The following HLF variants were observed in gnomAD, a reference collection of about 807,000 sequenced individuals.
HLF encodes the protein hepatic leukemia factor.
Under a neutral mutation model 22.6 loss-of-function variants are expected in HLF, and 3 were observed. That is an observed-to-expected ratio of 0.13 (90% CI 0.06 to 0.34). The LOEUF (loss-of-function observed/expected upper bound fraction) is 0.34, where lower values mean the gene tolerates loss of function less well. Ranked by LOEUF, HLF falls within the 10% of genes least tolerant of loss-of-function variation. The pLI is 1.00. For synonymous variants in HLF, 151 were observed against 151.8 expected, an observed-to-expected ratio of 0.99 and a Z score of 0.04; for missense variants, 299 against 389.2, an observed-to-expected ratio of 0.77 and a Z score of 1.95.
At chr17:55,301,070 A>AG in intron 2 of HLF, among the ~76,000 whole-genome samples, 1 of 152,316 alleles carries the variant, frequency 6.6e-6, no homozygotes, top group Admixed American at 6.5e-5. Flanking sequence ...TTTTCTGGCC[A>AG]ATTTCAAGAC....
intron 3 of HLF, among the ~76,000 whole-genome samples, chr17:55,316,679 C>A (rs1345524670): frequency 6.6e-6 from 1 of 152,204 alleles, no homozygotes. Flanking sequence ...TAGCCTGGCT[C>A]CCAGGTTGTC....
chr17:55,311,282 A>G lies in HLF; in HGVS notation c.452-3945A>G, dbSNP rs1025445433. ...AGACCAGCCTGGCCAACATGGTGAA[A>G]CCCTCTACTAAGAGTAGTCTCTACT... is the stretch of plus-strand genomic sequence containing the variant. On this transcript the variant is annotated intron_variant, in intron 2 of 3. Transcript: ENST00000226067. Among the ~76,000 whole-genome samples the G allele has an allele frequency of 3.3e-5, 5 of 152,138 alleles. No individual in the cohort carries two copies. In the South Asian group the frequency reaches 1.0e-3, roughly 32 times the overall value.
At chr17:55,297,537 G>C (rs760280161) in intron 2 of HLF, among the ~76,000 whole-genome samples, 1 of 151,814 alleles carries the variant, frequency 6.6e-6, no homozygotes, top group Non-Finnish European at 1.5e-5. Context: ...AAATTAGGGT[G>C]GTTATTGCTC....
At chr17:55,317,481 C>T (rs1043248264) in intron 3 of HLF, among the ~76,000 whole-genome samples, 1 of 152,204 alleles carries the variant, frequency 6.6e-6, no homozygotes, top group Non-Finnish European at 1.5e-5. Context: ...CAGACAAAAA[C>T]CGTCTGTGCT....
chr17:55,298,917 C>T (rs2081132888), intron 2 of HLF, among the ~76,000 whole-genome samples: 1 of 152,208 alleles, frequency 6.6e-6, no homozygotes, highest in Admixed American at 6.5e-5. Context: ...TTATAGATAG[C>T]TATAAACTAT....
At position 55,321,234 on chromosome 17, in the gene HLF, A is replaced by G. The variant is rs1598412337; in HGVS notation, c.*355A>G. ...ACTCCTGCCTCCTCAGCTTTGCTTC[A>G]TGTTCGAGCTTACCTACTCTTCCAG... On this transcript the variant is annotated 3_prime_UTR_variant, in exon 4 of 4. Transcript: ENST00000226067. 5 of 281,872 alleles carry G rather than the reference A, an allele frequency of 1.8e-5. No individual in the cohort carries two copies. Among genetic ancestry groups the G allele is most frequent in the African/African-American group, 6.4e-5 (3 of 46,964 alleles). 17.5% of individuals were successfully genotyped at this position (281,872 alleles called of 1,614,324 possible). A position where few individuals can be genotyped will look rare whatever the true frequency, so the allele number is the denominator to read the frequency against.
At chr17:55,312,308 C>T (rs1237543024) in intron 2 of HLF, among the ~76,000 whole-genome samples, 1 of 152,228 alleles carries the variant, frequency 6.6e-6, no homozygotes, top group Non-Finnish European at 1.5e-5. Context: ...TCCCTTTTCT[C>T]TGCAACCTCA....
chr17:55,298,506 A>G (rs2081129351), intron 2 of HLF, among the ~76,000 whole-genome samples: 1 of 152,242 alleles, frequency 6.6e-6, no homozygotes, highest in African/African-American at 2.4e-5. Flanking sequence ...CATAGACTAC[A>G]TTAAGCAGGA....
At chr17:55,304,303 G>A (rs1198093785) in intron 2 of HLF, among the ~76,000 whole-genome samples, 1 of 152,184 alleles carries the variant, frequency 6.6e-6, no homozygotes, top group Non-Finnish European at 1.5e-5. Context: ...GAGGCTCCCG[G>A]CCCAGGGAGG....
chr17:55,288,915 T>C (rs1251808699), intron 2 of HLF: 1 of 985,288 alleles, frequency 1.0e-6, no homozygotes, highest in Admixed American at 6.1e-5. Context: ...CCAGCCTGCA[T>C]GTTCCCAGAT....
In HLF at chr17:55,324,810, CGTGCATGTGTGTGTGTGTGTATGT is replaced by C; in HGVS notation, c.*3935_*3958del. 4.8e-6 allele frequency: 1 copy of C among 206,464 alleles called. No individual in the cohort carries two copies. The highest frequency in any genetic ancestry group is 9.6e-6 in the Non-Finnish European group (1 of 104,628). The allele number at this position is 206,464 out of a possible 1,614,324, so 12.8% of individuals were successfully genotyped here. Reference sequence around the variant, plus strand: ...GTAAGAGTGTGTGTGTGTGTGTGTGCGTGCATGTGTGTGTGTGTGTATGTGTGTGAATAAGTCGACATAAAGTCT... The same window carrying C: ...GTAAGAGTGTGTGTGTGTGTGTGTGCGTGTGAATAAGTCGACATAAAGTCT... On this transcript the variant is annotated 3_prime_UTR_variant, in exon 4 of 4. Coordinates refer to ENST00000226067, the MANE Select transcript of HLF (RefSeq NM_002126.5).
At chr17:55,281,330 A>G (rs991078486) in intron 2 of HLF, among the ~76,000 whole-genome samples, 1 of 152,170 alleles carries the variant, frequency 6.6e-6, no homozygotes, top group African/African-American at 2.4e-5. Flanking sequence ...CCTGACCAAC[A>G]TGGTGAAACC....
intron 2 of HLF, among the ~76,000 whole-genome samples, chr17:55,306,403 T>C (rs896392884): frequency 1.3e-5 from 2 of 152,206 alleles, no homozygotes; most frequent in Non-Finnish European, 1.5e-5. Flanking sequence ...AGCCTGTTAC[T>C]GTGTGGAGAG....
chr17:55,302,818 A>G (rs1391223682), intron 2 of HLF, among the ~76,000 whole-genome samples: 1 of 152,222 alleles, frequency 6.6e-6, no homozygotes, highest in Non-Finnish European at 1.5e-5. Flanking sequence ...GTCATTTAAA[A>G]TGGAAAGTCT....
intron 1 of HLF, 161 bp downstream of exon 1, chr17:55,265,760 T>C (rs2080781797): frequency 3.3e-6 from 4 of 1,214,182 alleles, no homozygotes; most frequent in South Asian, 1.9e-5. Flanking sequence ...CCCAGCACCC[T>C]TCCTCCCCTT....
chr17:55,291,392 G>A (rs1197034362), intron 2 of HLF, among the ~76,000 whole-genome samples: 2 of 152,160 alleles, frequency 1.3e-5, no homozygotes, highest in African/African-American at 2.4e-5. Flanking sequence ...AAATCCTAGG[G>A]TCTTTGAGAA....
chr17:55,273,203 A>G (rs1388771046), intron 2 of HLF: 1 of 152,162 alleles, frequency 6.6e-6, no homozygotes, highest in Non-Finnish European at 1.5e-5. Context: ...ACTTTGTGTC[A>G]ATTTCTTAAC....
intron 2 of HLF, chr17:55,272,641 T>C (rs1239205287): frequency 1.3e-5 from 2 of 152,260 alleles, no homozygotes; most frequent in Non-Finnish European, 2.9e-5. Flanking sequence ...GTATTCTGTT[T>C]CTGCCGACCT....
rs374941219 is a variant in HLF, at chr17:55,304,286, C to T, written c.452-10941C>T. 1.8e-4 allele frequency among the ~76,000 whole-genome samples: 27 copies of T among 152,286 alleles called. No individual in the cohort carries two copies. The South Asian group carries it at 3.3e-3, about 19-fold the overall frequency. On this transcript the variant is annotated intron_variant, in intron 2 of 3. Transcript: ENST00000226067. ...TCTGCCACACGGTGACCCCACATGTCTGGGGAGAGGCTCCCGGCCCAGGGA... is the reference window on the plus strand; with the variant it reads ...TCTGCCACACGGTGACCCCACATGTTTGGGGAGAGGCTCCCGGCCCAGGGA...
Sources: gnomAD v4.1 joint callset for allele counts (sites outside exome capture counted in the v4.1 genomes callset) on GRCh38, gnomAD v4.1.1 for gene constraint, MANE v1.5 for transcripts, NCBI Gene and HGNC (gene_info 2026-07-23, HGNC 2026-07-21) for gene names.